The following SEMA3E variants were observed in gnomAD, a reference collection of about 807,000 sequenced individuals.
The protein encoded by SEMA3E is semaphorin-3E.
Under a neutral mutation model 93.6 loss-of-function variants are expected in SEMA3E, and 49 were observed. That is an observed-to-expected ratio of 0.52 (90% CI 0.42 to 0.66). The LOEUF is 0.66. SEMA3E is among the 30% of genes least tolerant of loss of function. The pLI, the probability that SEMA3E is intolerant of heterozygous loss-of-function variation, is 0.00. For missense variants in SEMA3E, 906 were observed against 964.8 expected, an observed-to-expected ratio of 0.94 and a Z score of 0.81; for synonymous variants, 363 against 330.7, an observed-to-expected ratio of 1.10 and a Z score of -1.06.
At chr7:83,461,767 A>G (rs954238438) in intron 4 of SEMA3E, among the ~76,000 whole-genome samples, 2 of 152,198 alleles carry the variant, frequency 1.3e-5, no homozygotes, top group Non-Finnish European at 2.9e-5. Context: ...ACCCCACAAC[A>G]GGATTTAATT....
chr7:83,449,196 C>T (rs1429194441), intron 4 of SEMA3E, among the ~76,000 whole-genome samples: 2 of 151,662 alleles, frequency 1.3e-5, no homozygotes, highest in African/African-American at 4.8e-5. Context: ...ACCTCCTGGG[C>T]TCAAGTGATC....
intron 4 of SEMA3E, among the ~76,000 whole-genome samples, chr7:83,418,769 T>C (rs1192386561): frequency 3.3e-5 from 5 of 152,170 alleles, no homozygotes; most frequent in Admixed American, 3.3e-4. Flanking sequence ...CTGAGATGTG[T>C]CAATGAAATA....
chr7:83,589,599 CAATA>C (rs1218379727), intron 1 of SEMA3E, among the ~76,000 whole-genome samples: 17 of 151,918 alleles, frequency 1.1e-4, no homozygotes, highest in African/African-American at 1.2e-4. Flanking sequence ...GCAACATTAA[CAATA>C]AATAAATAAG....
intron 2 of SEMA3E, among the ~76,000 whole-genome samples, chr7:83,487,209 G>A (rs894130603): frequency 6.6e-6 from 1 of 152,092 alleles, no homozygotes; most frequent in Non-Finnish European, 1.5e-5. Flanking sequence ...ATTACAATGA[G>A]AAGCTGCTAT....
chr7:83,423,505 T>G (rs1562775684), intron 4 of SEMA3E, among the ~76,000 whole-genome samples: 1 of 20,410 alleles, frequency 4.9e-5, no homozygotes, highest in Non-Finnish European at 1.2e-4. Flanking sequence ...CTATGAAGAA[T>G]TTTTTTTTTT....
intron 1 of SEMA3E, among the ~76,000 whole-genome samples, chr7:83,631,728 C>G (rs1041743849): frequency 5.3e-5 from 8 of 152,104 alleles, no homozygotes; most frequent in African/African-American, 1.9e-4. Context: ...GCAAACAAAC[C>G]ACGTGCATGA....
intron 1 of SEMA3E, among the ~76,000 whole-genome samples, chr7:83,623,218 A>G (rs1201221100): frequency 6.6e-6 from 1 of 152,154 alleles, no homozygotes; most frequent in Non-Finnish European, 1.5e-5. Flanking sequence ...TGATGACAAC[A>G]ATATAATTTA....
intron 1 of SEMA3E, among the ~76,000 whole-genome samples, chr7:83,582,988 G>T (rs1473011120): frequency 6.6e-6 from 1 of 151,854 alleles, no homozygotes; most frequent in Non-Finnish European, 1.5e-5. Context: ...TCCTTGTCTG[G>T]ATTAACCAGT....
chr7:83,465,031 G>A (rs938546242), intron 4 of SEMA3E, among the ~76,000 whole-genome samples: 2 of 151,864 alleles, frequency 1.3e-5, no homozygotes, highest in African/African-American at 4.8e-5. Context: ...CAAAAGAAGT[G>A]AATATGCCCT....
At chr7:83,475,765 C>T (rs1352854205) in intron 2 of SEMA3E, among the ~76,000 whole-genome samples, 2 of 152,058 alleles carry the variant, frequency 1.3e-5, no homozygotes, top group Non-Finnish European at 2.9e-5. Flanking sequence ...AATCTCAGAC[C>T]CTTCACAGTT....
chr7:83,560,394 G>A (rs1792006130), intron 1 of SEMA3E, among the ~76,000 whole-genome samples: 1 of 151,984 alleles, frequency 6.6e-6, no homozygotes, highest in African/African-American at 2.4e-5. Flanking sequence ...AAACAAAACA[G>A]TTGTTTTATA....
intron 1 of SEMA3E, among the ~76,000 whole-genome samples, chr7:83,497,174 A>G (rs567693432): frequency 6.6e-6 from 1 of 152,236 alleles, no homozygotes; most frequent in Non-Finnish European, 1.5e-5. Flanking sequence ...TGCAAGAGAC[A>G]CAGTTTTAAA....
At chr7:83,553,148 C>A (rs1346649958) in intron 1 of SEMA3E, among the ~76,000 whole-genome samples, 1 of 152,168 alleles carries the variant, frequency 6.6e-6, no homozygotes, top group Non-Finnish European at 1.5e-5. Context: ...CCCTGGCGGC[C>A]CATCGGTAAA....
chr7:83,426,352 A>G (rs943196706), intron 4 of SEMA3E, among the ~76,000 whole-genome samples: 1 of 152,190 alleles, frequency 6.6e-6, no homozygotes, highest in Non-Finnish European at 1.5e-5. Context: ...TGGATTGGAT[A>G]AAGAAAATGT....
intron 7 of SEMA3E, 69 bp downstream of exon 7, chr7:83,407,028 C>A: frequency 6.3e-7 from 1 of 1,576,854 alleles, no homozygotes; most frequent in South Asian, 1.1e-5. Context: ...TAGAAACTTA[C>A]TATAAACTTA....
At chr7:83,449,593 TTA>T (rs1174157108) in intron 4 of SEMA3E, among the ~76,000 whole-genome samples, 6 of 152,096 alleles carry the variant, frequency 3.9e-5, no homozygotes, top group Non-Finnish European at 5.9e-5. Flanking sequence ...AATCAAAAGC[TTA>T]TATCATTAAT....
At chr7:83,572,631 C>T (rs894234546) in intron 1 of SEMA3E, among the ~76,000 whole-genome samples, 17 of 151,798 alleles carry the variant, frequency 1.1e-4, no homozygotes, top group African/African-American at 3.9e-4. Context: ...GAGCGAGACT[C>T]CATCTCAAAA....
At chr7:83,597,044 A>G (rs373558180) in intron 1 of SEMA3E, among the ~76,000 whole-genome samples, 1 of 152,254 alleles carries the variant, frequency 6.6e-6, no homozygotes, top group African/African-American at 2.4e-5. Context: ...GACCAACGGA[A>G]CCGGTGACTG....
At chr7:83,572,505 G>C (rs1292880602) in intron 1 of SEMA3E, among the ~76,000 whole-genome samples, 4 of 152,116 alleles carry the variant, frequency 2.6e-5, no homozygotes, top group Non-Finnish European at 5.9e-5. Flanking sequence ...CAGGCATGGT[G>C]GCAGCCGCTT....
Sources: gnomAD v4.1 joint callset for allele counts (sites outside exome capture counted in the v4.1 genomes callset) on GRCh38, gnomAD v4.1.1 for gene constraint, MANE v1.5 for transcripts, NCBI Gene and HGNC (gene_info 2026-07-23, HGNC 2026-07-21) for gene names.